Variants in NRG3 observed in about 807,000 individuals in gnomAD.
NRG3 encodes pro-neuregulin-3, membrane-bound isoform.
NRG3 carries 31 observed loss-of-function variants against 66.9 expected under a neutral mutation model. That is an observed-to-expected ratio of 0.46 (90% CI 0.35 to 0.63). The LOEUF is 0.63. Ranked by LOEUF, NRG3 falls within the 20% of genes least tolerant of loss-of-function variation. The probability of loss-of-function intolerance (pLI) is 0.00; values close to 1 mark genes in which losing one functional copy is unlikely to be tolerated. For missense variants in NRG3, 910 were observed against 878.9 expected (o/e 1.04, Z -0.45); for synonymous variants, 393 against 359.4 (o/e 1.09, Z -1.06).
chr10:82,625,719 G>A (rs2049373077), intron 2 of NRG3, among the ~76,000 whole-genome samples: 1 of 152,140 alleles, frequency 6.6e-6, no homozygotes, highest in South Asian at 2.1e-4. Context: ...TGAGTTGGTG[G>A]CAGATGTGCA....
chr10:82,858,303 A>G (rs1211447866), intron 3 of NRG3, among the ~76,000 whole-genome samples: 1 of 152,040 alleles, frequency 6.6e-6, no homozygotes, highest in African/African-American at 2.4e-5. Context: ...CTCCCCTCCT[A>G]ATCAGAACTC....
chr10:82,464,055 C>G (rs2091645407), intron 2 of NRG3, among the ~76,000 whole-genome samples: 1 of 152,174 alleles, frequency 6.6e-6, no homozygotes, highest in Admixed American at 6.5e-5. Flanking sequence ...AGTCTTTACA[C>G]TCACTTACCC....
At chr10:82,761,553 C>A (rs947256386) in intron 3 of NRG3, among the ~76,000 whole-genome samples, 1 of 151,916 alleles carries the variant, frequency 6.6e-6, no homozygotes, top group Non-Finnish European at 1.5e-5. Flanking sequence ...ATAAAGTGCT[C>A]AGCATAAAAA....
intron 2 of NRG3, among the ~76,000 whole-genome samples, chr10:82,481,581 A>G (rs564579368): frequency 2.0e-4 from 31 of 152,376 alleles, no homozygotes; most frequent in African/African-American, 5.5e-4. Context: ...GTTTTTGAAC[A>G]GGATGGAAAC....
intron 1 of NRG3, among the ~76,000 whole-genome samples, chr10:81,923,467 C>T (rs769185386): frequency 7.2e-5 from 11 of 151,854 alleles, no homozygotes; most frequent in African/African-American, 1.5e-4. Context: ...GGCCTCCCAA[C>T]GTGCTGGGAT....
At chr10:82,109,459 C>A (rs930606737) in intron 1 of NRG3, among the ~76,000 whole-genome samples, 2 of 151,496 alleles carry the variant, frequency 1.3e-5, no homozygotes, top group Non-Finnish European at 2.9e-5. Flanking sequence ...ATTATTATTC[C>A]AATTTTATAG....
chr10:82,785,255 A>G (rs943195445), intron 3 of NRG3, among the ~76,000 whole-genome samples: 6 of 152,050 alleles, frequency 3.9e-5, no homozygotes, highest in South Asian at 2.1e-4. Context: ...CCTAATGCTA[A>G]ATGACGAGTT....
intron 2 of NRG3, among the ~76,000 whole-genome samples, chr10:82,730,000 ATTTTATGATGAATTGGCCTC>A (rs1424514847): frequency 6.6e-6 from 1 of 151,984 alleles, no homozygotes; most frequent in East Asian, 1.9e-4. Flanking sequence ...AACCATAGCA[ATTTTATGATGAATTGGCCTC>A]CATCTACTTC....
chr10:82,100,208 T>C (rs2066643075), intron 1 of NRG3, among the ~76,000 whole-genome samples: 1 of 152,082 alleles, frequency 6.6e-6, no homozygotes, highest in Non-Finnish European at 1.5e-5. Flanking sequence ...TGAAAACATA[T>C]TGAAATATGA....
At chr10:82,011,592 TGTAAAATCAAAAGCAA>T (rs2061577401) in intron 1 of NRG3, among the ~76,000 whole-genome samples, 1 of 152,172 alleles carries the variant, frequency 6.6e-6, no homozygotes, top group Admixed American at 6.5e-5. Flanking sequence ...CCTATGAGCC[TGTAAAATCAAAAGCAA>T]GTTAGTTACT....
chr10:82,718,969 A>T (rs566487329), intron 2 of NRG3, among the ~76,000 whole-genome samples: 1 of 152,320 alleles, frequency 6.6e-6, no homozygotes, highest in African/African-American at 2.4e-5. Context: ...TTTATTTAAA[A>T]CCAAGGCACA....
chr10:82,093,627 T>C (rs1413669654), intron 1 of NRG3, among the ~76,000 whole-genome samples: 1 of 152,210 alleles, frequency 6.6e-6, no homozygotes, highest in Non-Finnish European at 1.5e-5. Flanking sequence ...ACAACCCACT[T>C]CTTGTATCAA....
intron 1 of NRG3, among the ~76,000 whole-genome samples, chr10:82,094,880 ACT>A (rs529086227): frequency 1.1e-3 from 161 of 152,246 alleles, no homozygotes; most frequent in African/African-American, 3.7e-3. Flanking sequence ...GACACTGGAG[ACT>A]CAGAAGGGTG....
chr10:82,172,642 C>T (rs1232998408), intron 1 of NRG3, among the ~76,000 whole-genome samples: 3 of 152,072 alleles, frequency 2.0e-5, no homozygotes, highest in Non-Finnish European at 4.4e-5. Flanking sequence ...TCTCATCAGC[C>T]ACAGAACCTG....
intron 2 of NRG3, among the ~76,000 whole-genome samples, chr10:82,471,171 A>G (rs554266968): frequency 6.6e-6 from 1 of 152,104 alleles, no homozygotes; most frequent in Non-Finnish European, 1.5e-5. Context: ...TGAAAAGGGG[A>G]AAAAGGGAAA....
chr10:82,323,389 T>G (rs1358713174), intron 1 of NRG3, among the ~76,000 whole-genome samples: 3 of 152,082 alleles, frequency 2.0e-5, no homozygotes, highest in Non-Finnish European at 4.4e-5. Flanking sequence ...CAAAGAAAAA[T>G]AAATTGAAAT....
chr10:82,128,249 TTTTC>T (rs1337166400), intron 1 of NRG3, among the ~76,000 whole-genome samples: 1 of 152,116 alleles, frequency 6.6e-6, no homozygotes, highest in African/African-American at 2.4e-5. Context: ...ATTGCATTTA[TTTTC>T]TTTATTGATC....
chr10:82,853,885 G>A (rs145974876), intron 3 of NRG3, among the ~76,000 whole-genome samples: 1 of 152,062 alleles, frequency 6.6e-6, no homozygotes, highest in African/African-American at 2.4e-5. Context: ...CAGCTCTCAG[G>A]GGGAATGCTT....
At chr10:82,669,335 C>T (rs73297784) in intron 2 of NRG3, among the ~76,000 whole-genome samples, 35 of 151,124 alleles carry the variant, frequency 2.3e-4, no homozygotes, top group African/African-American at 8.5e-4. Flanking sequence ...GAAGACTAGT[C>T]CCAGTACTAA....
Sources: gnomAD v4.1 joint callset for allele counts (sites outside exome capture counted in the v4.1 genomes callset) on GRCh38, gnomAD v4.1.1 for gene constraint, MANE v1.5 for transcripts, NCBI Gene and HGNC (gene_info 2026-07-23, HGNC 2026-07-21) for gene names.